The following BCO1 variants were observed in gnomAD, a reference collection of about 807,000 sequenced individuals.
BCO1 encodes the protein beta,beta-carotene 15,15'-dioxygenase.
BCO1 carries 54 observed loss-of-function variants against 56.3 expected under a neutral mutation model. That is an observed-to-expected ratio of 0.96 (90% CI 0.77 to 1.20). BCO1 has a LOEUF of 1.20. BCO1 is among the 50% of genes most tolerant of loss of function. BCO1 has a pLI of 0.00. For synonymous variants in BCO1, 318 were observed against 266.1 expected (o/e 1.20, Z -1.90); for missense variants, 801 against 690.9 (o/e 1.16, Z -1.79).
chr16:81,247,234 C>T (rs552185547), intron 2 of BCO1, among the ~76,000 whole-genome samples: 6 of 152,260 alleles, frequency 3.9e-5, no homozygotes, highest in South Asian at 4.2e-4. Flanking sequence ...ACTGGGATTA[C>T]GTTAAGTCTC....
chr16:81,264,242 G>T (rs1346182153), intron 4 of BCO1, among the ~76,000 whole-genome samples: 3 of 152,218 alleles, frequency 2.0e-5, no homozygotes, highest in Admixed American at 6.5e-5. Context: ...TAGCTCGAAG[G>T]CTACCTCTCT....
At chr16:81,267,374 A>G (rs1906891977) in intron 5 of BCO1, among the ~76,000 whole-genome samples, 1 of 152,176 alleles carries the variant, frequency 6.6e-6, no homozygotes, top group African/African-American at 2.4e-5. Context: ...GCACTTTGGG[A>G]GGCCGAGGCG....
chr16:81,266,716 C>G (rs765550718), intron 5 of BCO1, among the ~76,000 whole-genome samples: 52 of 152,156 alleles, frequency 3.4e-4, no homozygotes, highest in Non-Finnish European at 4.6e-4. Context: ...TGACACACCC[C>G]AGTCACACAG....
chr16:81,249,478 G>C (rs560305827), intron 2 of BCO1, among the ~76,000 whole-genome samples: 9 of 152,246 alleles, frequency 5.9e-5, no homozygotes, highest in South Asian at 2.1e-4. Context: ...GGATGGTCTT[G>C]ATCTCCTGAC....
chr16:81,289,422 G>A (rs1188894865), intron 10 of BCO1, among the ~76,000 whole-genome samples: 1 of 152,116 alleles, frequency 6.6e-6, no homozygotes, highest in Non-Finnish European at 1.5e-5. Flanking sequence ...TAGGCAGATC[G>A]CTTGAGCCCA....
Position 81,287,280 on chromosome 16 carries a change from T to C in BCO1, c.1303-15T>C. 1.3e-6 allele frequency: 2 copies of C among 1,569,690 alleles called. No individual in the cohort carries two copies. Among genetic ancestry groups the C allele is most frequent in the Non-Finnish European group, 1.8e-6 (2 of 1,139,626 alleles). ...AAACAAGTCATTTATGTGTTTTTCC[T>C]CGTTGGATGTACAGATAATAAAATA... On this transcript the variant is annotated splice_polypyrimidine_tract_variant and intron_variant, in intron 9 of 10. Transcript: ENST00000258168.
In BCO1 at chr16:81,264,624, G is replaced by A. The variant is rs1367665313; in HGVS notation, c.472-16G>A. On this transcript the variant is annotated splice_polypyrimidine_tract_variant and intron_variant, in intron 4 of 10. Transcript: ENST00000258168. ...TCGTAAATACTTTAAAAAACAGGAG[G>A]TGTCATATCTTGCAGGTTGATTATC... 3.1e-6 allele frequency: 5 copies of A among 1,613,382 alleles called. No homozygotes were observed. In the South Asian group the frequency reaches 3.3e-5, roughly 11 times the overall value.
At chr16:81,255,412 A>T (rs1906068179) in intron 2 of BCO1, among the ~76,000 whole-genome samples, 2 of 152,182 alleles carry the variant, frequency 1.3e-5, no homozygotes, top group South Asian at 4.1e-4. Flanking sequence ...TTTGTACTTC[A>T]TTTGGTAAAA....
chr16:81,279,635 A>G (rs1418029091), intron 7 of BCO1, among the ~76,000 whole-genome samples: 1 of 152,228 alleles, frequency 6.6e-6, no homozygotes, highest in African/African-American at 2.4e-5. Context: ...AAACGGAACT[A>G]TAGAGAGGCC....
chr16:81,290,017 C>T (rs1044922550), intron 10 of BCO1, among the ~76,000 whole-genome samples: 2 of 152,226 alleles, frequency 1.3e-5, no homozygotes, highest in African/African-American at 2.4e-5. Flanking sequence ...GCACCCACCA[C>T]CACACCCAGC....
rs754488713 is a variant in BCO1, at chr16:81,238,956, G to A, written c.48G>A (p.Val16=). The A allele has an allele frequency of 3.1e-6, 5 of 1,613,956 alleles. No homozygotes were observed. The highest frequency in any genetic ancestry group is 3.3e-5 in the Admixed American group (2 of 59,990). ...GRNRKEQLEP[V]RAKVTGKIPA... is the part of the protein sequence containing the mutation. Reference sequence around the variant, plus strand: ...ATAGGAAAGAACAGCTGGAGCCTGTGAGGGCCAAAGTGACAGGTGAGCATT... The same window carrying A: ...ATAGGAAAGAACAGCTGGAGCCTGTAAGGGCCAAAGTGACAGGTGAGCATT... Residue 16 remains valine (V), a synonymous_variant, in exon 1 of 11, where the codon GTG becomes GTA. Transcript: ENST00000258168.
At chr16:81,274,334 GCT>G (rs1907421074) in intron 7 of BCO1, among the ~76,000 whole-genome samples, 1 of 146,612 alleles carries the variant, frequency 6.8e-6, no homozygotes, top group Non-Finnish European at 1.5e-5. Flanking sequence ...CGTGATCTCG[GCT>G]CACTGCAAGC....
At position 81,267,954 on chromosome 16, in the gene BCO1, C is replaced by A. The variant is rs1250460901; in HGVS notation, c.666C>A (p.Phe222Leu). The A allele has an allele frequency of 6.2e-7, 1 of 1,613,958 alleles. No individual in the cohort carries two copies. Among genetic ancestry groups the A allele is most frequent in the South Asian group, 1.1e-5 (1 of 91,064 alleles). The change falls in exon 6 of 11, where the codon TTC (phenylalanine) becomes TTA (leucine). Residue 222 changes from phenylalanine (F) to leucine (L), a missense_variant. Phe to Leu is a conservative substitution (Grantham distance 22). Transcript: ENST00000258168. ...GKSPWKHTEVFCSIPSRSLLS... is the reference protein window; with the variant it reads ...GKSPWKHTEVLCSIPSRSLLS... ...GCCCCTGGAAGCACACAGAGGTGTT[C>A]TGCTCCATCCCATCCCGCTCCCTGC...
rs772224825 is a variant in BCO1 at position 81,245,516 on chromosome 16, G to A, written c.106G>A (p.Gly36Arg). 177 of 1,613,598 alleles carry A rather than the reference G, an allele frequency of 1.1e-4. No homozygotes were observed. Among genetic ancestry groups the A allele is most frequent in the Non-Finnish European group, 1.4e-4 (169 of 1,179,678 alleles). Reference sequence around the variant, plus strand: ...GCTGCAGGGAACCCTGCTCCGCAATGGGCCTGGGATGCACACAGTTGGGGA... The same window carrying A: ...GCTGCAGGGAACCCTGCTCCGCAATAGGCCTGGGATGCACACAGTTGGGGA... ...AWLQGTLLRN[G>R]PGMHTVGESR... Residue 36 changes from glycine (G) to arginine (R), a missense_variant, in exon 2 of 11, where the codon GGG becomes AGG. Gly to Arg is a moderately radical substitution (Grantham distance 125). Coordinates refer to ENST00000258168, the MANE Select transcript of BCO1 (RefSeq NM_017429.3).
Position 81,269,199 on chromosome 16 carries a change from C to T in BCO1, c.844-960C>T, listed in dbSNP as rs536933008. 9.2e-5 allele frequency among the ~76,000 whole-genome samples: 14 copies of T among 151,820 alleles called. No homozygotes were observed. In the East Asian group the frequency reaches 2.5e-3, roughly 27 times the overall value. On this transcript the variant is annotated intron_variant, in intron 6 of 10. Coordinates refer to ENST00000258168, the MANE Select transcript of BCO1 (RefSeq NM_017429.3). ...AAAATCCTCCCCAACTCACTTCCCC[C>T]CTCCTGCCTCCCATCCACCCCCACG...
At chr16:81,284,029 CAA>C (rs1191145225) in intron 8 of BCO1, among the ~76,000 whole-genome samples, 21 of 128,466 alleles carry the variant, frequency 1.6e-4, no homozygotes, top group Admixed American at 2.4e-4. Flanking sequence ...ACTGAAAATA[CAA>C]AAAAAAAAAA....
chr16:81,262,838 A>AC (rs1906574277), intron 4 of BCO1: 1 of 114,584 alleles, frequency 8.7e-6, no homozygotes, highest in South Asian at 2.5e-4. Flanking sequence ...AACAAAAACA[A>AC]AAAAAAAAAA....
chr16:81,252,415 C>A (rs983438971), intron 2 of BCO1, among the ~76,000 whole-genome samples: 1 of 152,178 alleles, frequency 6.6e-6, no homozygotes, highest in Non-Finnish European at 1.5e-5. Context: ...GGCACCATGC[C>A]CAGCTAATTT....
rs1908425905 is a variant in BCO1 at position 81,290,931 on chromosome 16, A to C, written c.*354A>C. The C allele has an allele frequency of 4.9e-6, 1 of 205,892 alleles. No individual in the cohort carries two copies. The highest frequency in any genetic ancestry group is 1.1e-4 in the East Asian group (1 of 8,872). The allele number at this position is 205,892 out of a possible 1,614,324, so 12.8% of individuals were successfully genotyped here. A position where few individuals can be genotyped will look rare whatever the true frequency, so the allele number is the denominator to read the frequency against. On this transcript the variant is annotated 3_prime_UTR_variant, in exon 11 of 11. Transcript: ENST00000258168. The stretch of plus-strand genomic sequence containing the variant: ...GCCACTAACCTATTAGAGAAGAGGC[A>C]GATAATTATTTATCATTGTGCCTTC...
Sources: gnomAD v4.1 joint callset for allele counts (sites outside exome capture counted in the v4.1 genomes callset) on GRCh38, gnomAD v4.1.1 for gene constraint, MANE v1.5 for transcripts, NCBI Gene and HGNC (gene_info 2026-07-23, HGNC 2026-07-21) for gene names.